The following CNTN5 variants were observed in gnomAD, a reference collection of about 807,000 sequenced individuals.
The protein encoded by CNTN5 is contactin-5.
In CNTN5, 77 loss-of-function variants were observed where a neutral mutation model predicts 129.1. The observed-to-expected ratio is 0.60, with a 90% CI of 0.50 to 0.72. The LOEUF (loss-of-function observed/expected upper bound fraction) is 0.72. Among genes scored for constraint, CNTN5 ranks in the 30% least tolerant of loss-of-function variants. The probability of loss-of-function intolerance (pLI) is 0.00; values close to 1 mark genes in which losing one functional copy is unlikely to be tolerated. For synonymous variants in CNTN5, 509 were observed against 465.6 expected (o/e 1.09, Z -1.20); for missense variants, 1,478 against 1,328.8 (o/e 1.11, Z -1.75).
At chr11:99,410,518 T>C (rs1183064929) in intron 2 of CNTN5, among the ~76,000 whole-genome samples, 3 of 150,498 alleles carry the variant, frequency 2.0e-5, no homozygotes, top group Admixed American at 2.0e-4. Flanking sequence ...TCTAAATGTA[T>C]TTTTTTTGCA....
At chr11:99,421,150 T>TC (rs1251837972) in intron 2 of CNTN5, among the ~76,000 whole-genome samples, 1 of 150,396 alleles carries the variant, frequency 6.6e-6, no homozygotes, top group Admixed American at 6.6e-5. Flanking sequence ...TTTTTTTTTT[T>TC]CCGCCTAATA....
chr11:99,844,834 T>C lies in CNTN5; in HGVS notation c.278-18T>C. 1 of 1,593,700 alleles carries C rather than the reference T, an allele frequency of 6.3e-7. No individual in the cohort carries two copies. The highest frequency in any genetic ancestry group is 2.2e-5 in the East Asian group (1 of 44,474). ...CTAGTTTAAGGAAATTTAAAATGTG[T>C]CTGTTTTGTCTTTACAGAAAGTGTG... On this transcript the variant is annotated intron_variant, in intron 4 of 24. Coordinates refer to ENST00000524871, the MANE Select transcript of CNTN5 (RefSeq NM_014361.4).
intron 1 of CNTN5, among the ~76,000 whole-genome samples, chr11:99,311,365 A>G (rs1404947918): frequency 6.6e-6 from 1 of 152,176 alleles, no homozygotes; most frequent in Non-Finnish European, 1.5e-5. Flanking sequence ...TTATTGTTCT[A>G]CAATTTGCTT....
intron 7 of CNTN5, among the ~76,000 whole-genome samples, chr11:99,940,120 T>C (rs35697380): frequency 0.31 from 46,361 of 151,848 alleles, 8,448 homozygotes; most frequent in South Asian, 0.41. Flanking sequence ...ATCTAGTGGG[T>C]GAAGGTCAGT....
intron 18 of CNTN5, among the ~76,000 whole-genome samples, chr11:100,281,135 C>G (rs1181811247): frequency 2.6e-5 from 4 of 152,118 alleles, no homozygotes; most frequent in African/African-American, 9.7e-5. Flanking sequence ...TCCACAGTTA[C>G]AGTGTTATAA....
chr11:99,181,530 A>G (rs1858065357), intron 1 of CNTN5, among the ~76,000 whole-genome samples: 1 of 152,154 alleles, frequency 6.6e-6, no homozygotes, highest in Non-Finnish European at 1.5e-5. Flanking sequence ...CATAGCCAGT[A>G]CCGACTGCAG....
intron 2 of CNTN5, among the ~76,000 whole-genome samples, chr11:99,394,237 TTTGGTTAGAAA>T (rs1365947733): frequency 6.6e-6 from 1 of 151,642 alleles, no homozygotes; most frequent in Non-Finnish European, 1.5e-5. Context: ...CAAGGGAAAA[TTTGGTTAGAAA>T]TATTTTATGT....
intron 2 of CNTN5, among the ~76,000 whole-genome samples, chr11:99,468,808 C>G (rs1945052020): frequency 6.6e-6 from 1 of 150,682 alleles, no homozygotes; most frequent in African/African-American, 2.4e-5. Context: ...GATCTTGGCT[C>G]ACTGCAACCT....
At chr11:99,696,942 C>CA (rs771465266) in intron 3 of CNTN5, among the ~76,000 whole-genome samples, 2 of 151,250 alleles carry the variant, frequency 1.3e-5, no homozygotes, top group African/African-American at 2.4e-5. Context: ...TAAAAACAAA[C>CA]AACAACAACA....
At chr11:99,246,812 A>T (rs1366524117) in intron 1 of CNTN5, among the ~76,000 whole-genome samples, 2 of 152,162 alleles carry the variant, frequency 1.3e-5, no homozygotes, top group East Asian at 3.9e-4. Context: ...ATATTGACAA[A>T]GCAAGAATCA....
chr11:99,618,933 A>T (rs972672649), intron 3 of CNTN5, among the ~76,000 whole-genome samples: 1 of 152,194 alleles, frequency 6.6e-6, no homozygotes, highest in East Asian at 1.9e-4. Flanking sequence ...TAACCCAGCC[A>T]TAATGCACAA....
At chr11:99,834,040 T>C (rs1947227788) in intron 4 of CNTN5, among the ~76,000 whole-genome samples, 1 of 152,220 alleles carries the variant, frequency 6.6e-6, no homozygotes, top group Non-Finnish European at 1.5e-5. Context: ...TTCATAGTTA[T>C]CTGGTAAAAT....
chr11:99,948,239 A>T (rs1189544705), intron 7 of CNTN5, among the ~76,000 whole-genome samples: 1 of 152,210 alleles, frequency 6.6e-6, no homozygotes, highest in African/African-American at 2.4e-5. Flanking sequence ...GTAAGTGGAG[A>T]TGAGGAATAG....
At chr11:99,052,622 G>T (rs1334191708) in intron 1 of CNTN5, among the ~76,000 whole-genome samples, 1 of 151,838 alleles carries the variant, frequency 6.6e-6, no homozygotes, top group Non-Finnish European at 1.5e-5. Flanking sequence ...ATTTTTAGGA[G>T]TTTTAATTTC....
chr11:100,047,720 G>A (rs1425555248), intron 9 of CNTN5, among the ~76,000 whole-genome samples: 2 of 152,162 alleles, frequency 1.3e-5, no homozygotes, highest in Non-Finnish European at 2.9e-5. Flanking sequence ...GGGTTTCTCT[G>A]TGACAGTGTT....
intron 2 of CNTN5, among the ~76,000 whole-genome samples, chr11:99,351,804 G>A (rs1938316948): frequency 6.6e-6 from 1 of 152,112 alleles, no homozygotes; most frequent in South Asian, 2.1e-4. Flanking sequence ...CATCTTTTTT[G>A]TTCTCCTGCC....
chr11:99,905,442 A>G (rs1949473690), intron 6 of CNTN5, among the ~76,000 whole-genome samples: 2 of 152,122 alleles, frequency 1.3e-5, no homozygotes, highest in South Asian at 2.1e-4. Context: ...CAAAGACCAG[A>G]TGGTTGTAGA....
chr11:99,352,147 G>A (rs1938341288), intron 2 of CNTN5, among the ~76,000 whole-genome samples: 1 of 152,206 alleles, frequency 6.6e-6, no homozygotes, highest in Non-Finnish European at 1.5e-5. Flanking sequence ...ATAGCTGTGT[G>A]AATATCCAGG....
intron 2 of CNTN5, among the ~76,000 whole-genome samples, chr11:99,352,555 C>T (rs1164025204): frequency 6.6e-6 from 1 of 151,866 alleles, no homozygotes. Flanking sequence ...GTTTGGAGCC[C>T]CTATTCCTAA....
Sources: gnomAD v4.1 joint callset for allele counts (sites outside exome capture counted in the v4.1 genomes callset) on GRCh38, gnomAD v4.1.1 for gene constraint, MANE v1.5 for transcripts, NCBI Gene and HGNC (gene_info 2026-07-23, HGNC 2026-07-21) for gene names.